ROR2: variants seen among roughly 807,000 people sequenced by gnomAD.
ROR2 encodes ROR family WNT receptor 2.
Under a neutral mutation model 74.9 loss-of-function variants are expected in ROR2, and 33 were observed. The ratio of observed to expected loss-of-function variants is 0.44; its 90% CI spans 0.33 to 0.59. The LOEUF is 0.59. Among genes scored for constraint, ROR2 ranks in the 20% least tolerant of loss-of-function variants. The pLI is 0.02. For synonymous variants in ROR2, 586 were observed against 558.7 expected (o/e 1.05, Z -0.69); for missense variants, 1,216 against 1,313.8 (o/e 0.93, Z 1.15).
intron 1 of ROR2, chr9:91,948,703 C>G (rs1051816850): frequency 1.0e-6 from 1 of 985,476 alleles, no homozygotes; most frequent in South Asian, 4.7e-5. Flanking sequence ...GCGACTGTCC[C>G]GATTCTCACC....
At chr9:91,922,810 A>C (rs2117873104) in intron 1 of ROR2, among the ~76,000 whole-genome samples, 2 of 152,130 alleles carry the variant, frequency 1.3e-5, no homozygotes, top group Middle Eastern at 6.8e-3. Flanking sequence ...TCGACTCCTC[A>C]GTGTCCTCTC....
chr9:91,882,647 G>C (rs1239745973), intron 1 of ROR2, among the ~76,000 whole-genome samples: 1 of 152,118 alleles, frequency 6.6e-6, no homozygotes, highest in Non-Finnish European at 1.5e-5. Context: ...CTAACCCCAG[G>C]ACCTCAAAAT....
At chr9:91,892,324 G>A (rs1385998572) in intron 1 of ROR2, among the ~76,000 whole-genome samples, 2 of 152,194 alleles carry the variant, frequency 1.3e-5, no homozygotes, top group East Asian at 1.9e-4. Flanking sequence ...TTCTGCCATC[G>A]TCTGCAGAAG....
intron 1 of ROR2, among the ~76,000 whole-genome samples, chr9:91,781,536 T>C (rs1826619847): frequency 6.6e-6 from 1 of 152,222 alleles, no homozygotes; most frequent in African/African-American, 2.4e-5. Flanking sequence ...GAGAAGTATG[T>C]CAATAGCAAA....
At chr9:91,810,783 G>C (rs906788688) in intron 1 of ROR2, among the ~76,000 whole-genome samples, 4 of 152,232 alleles carry the variant, frequency 2.6e-5, no homozygotes, top group African/African-American at 9.6e-5. Flanking sequence ...CTGCATCCCA[G>C]TGGAGTCTAC....
intron 4 of ROR2, 40 bp from the exon 5 acceptor site, chr9:91,737,558 G>A: frequency 6.2e-7 from 1 of 1,613,834 alleles, no homozygotes; most frequent in Non-Finnish European, 8.5e-7. Flanking sequence ...GCTCTGGGAG[G>A]TGCCAGGTCC....
intron 7 of ROR2, among the ~76,000 whole-genome samples, chr9:91,730,396 T>C (rs10992068): frequency 0.091 from 13,887 of 152,200 alleles, 761 homozygotes; most frequent in Middle Eastern, 0.16. Context: ...CTTCAGACTT[T>C]TCTATATTTT....
chr9:91,776,680 C>T (rs1348589495), intron 1 of ROR2, among the ~76,000 whole-genome samples: 4 of 152,210 alleles, frequency 2.6e-5, no homozygotes, highest in Non-Finnish European at 5.9e-5. Flanking sequence ...CTATGCAAGG[C>T]AGTCCATGGA....
At chr9:91,751,598 T>C (rs1316214647) in intron 4 of ROR2, among the ~76,000 whole-genome samples, 3 of 152,178 alleles carry the variant, frequency 2.0e-5, no homozygotes, top group East Asian at 3.8e-4. Flanking sequence ...AGAGAACTAA[T>C]AGAAACTAGC....
chr9:91,899,642 G>A (rs1365285443), intron 1 of ROR2, among the ~76,000 whole-genome samples: 1 of 152,110 alleles, frequency 6.6e-6, no homozygotes, highest in East Asian at 1.9e-4. Context: ...GAAAGATGGG[G>A]AGGAGGGGGC....
At chr9:91,823,885 T>C (rs201332382) in intron 1 of ROR2, among the ~76,000 whole-genome samples, 2 of 152,220 alleles carry the variant, frequency 1.3e-5, no homozygotes, top group African/African-American at 4.8e-5. Flanking sequence ...CTCCTAAATT[T>C]CTCTGAAATA....
chr9:91,919,677 T>C (rs78705383), intron 1 of ROR2, among the ~76,000 whole-genome samples: 10,370 of 152,222 alleles, frequency 0.068, 547 homozygotes, highest in African/African-American at 0.14. Flanking sequence ...GCCCTTCTGG[T>C]GGTTGATGAT....
intron 1 of ROR2, among the ~76,000 whole-genome samples, chr9:91,836,817 G>T (rs552978490): frequency 6.6e-6 from 1 of 152,336 alleles, no homozygotes; most frequent in South Asian, 2.1e-4. Context: ...CTCCACCTCT[G>T]CCGCCTGGGC....
intron 1 of ROR2, among the ~76,000 whole-genome samples, chr9:91,863,625 C>T (rs1466920019): frequency 6.6e-6 from 1 of 152,152 alleles, no homozygotes; most frequent in Non-Finnish European, 1.5e-5. Flanking sequence ...GCTTGGGAAC[C>T]TTATGCTCAG....
intron 1 of ROR2, among the ~76,000 whole-genome samples, chr9:91,933,502 GTTT>G (rs1831605484): frequency 6.6e-6 from 1 of 152,160 alleles, no homozygotes; most frequent in Non-Finnish European, 1.5e-5. Context: ...TCAGCAAATT[GTTT>G]TAATGACAGA....
At chr9:91,848,868 CA>C (rs1355044554) in intron 1 of ROR2, among the ~76,000 whole-genome samples, 3 of 151,872 alleles carry the variant, frequency 2.0e-5, no homozygotes, top group African/African-American at 7.3e-5. Flanking sequence ...TACTATTATC[CA>C]GGTAGCATAC....
intron 1 of ROR2, among the ~76,000 whole-genome samples, chr9:91,824,990 T>C (rs769072293): frequency 5.9e-5 from 9 of 152,224 alleles, no homozygotes; most frequent in Non-Finnish European, 1.0e-4. Flanking sequence ...GATCTGGGCT[T>C]GGGTCCTGTT....
At chr9:91,815,370 G>T (rs998086209) in intron 1 of ROR2, among the ~76,000 whole-genome samples, 2 of 152,008 alleles carry the variant, frequency 1.3e-5, no homozygotes, top group Admixed American at 6.5e-5. Flanking sequence ...GAAACCACAG[G>T]CATTTTCATT....
chr9:91,745,843 C>T (rs572608463), intron 4 of ROR2, among the ~76,000 whole-genome samples: 5 of 152,112 alleles, frequency 3.3e-5, no homozygotes, highest in South Asian at 2.1e-4. Context: ...GCTTTTATTC[C>T]GGTTCTGTAC....
Sources: allele counts gnomAD v4.1 joint callset (sites outside exome capture counted in the v4.1 genomes callset), GRCh38; gene constraint gnomAD v4.1.1; transcripts MANE v1.5; gene names NCBI Gene and HGNC (gene_info 2026-07-23, HGNC 2026-07-21).